The following POLI variants were observed in gnomAD, a reference collection of about 807,000 sequenced individuals.
POLI encodes the protein RAD30 homolog B.
A neutral mutation model predicts 51.6 loss-of-function variants in POLI; 58 were observed. The observed-to-expected ratio is 1.12, with a 90% CI of 0.91 to 1.40. The LOEUF (loss-of-function observed/expected upper bound fraction) is 1.40, where lower values mean the gene tolerates loss of function less well. Ranked by LOEUF, POLI falls within the 40% of genes most tolerant of loss-of-function variation. The pLI, the probability that POLI is intolerant of heterozygous loss-of-function variation, is 0.00. For synonymous variants in POLI, 322 were observed against 299.7 expected (o/e 1.07, Z -0.77); for missense variants, 921 against 871.3 (o/e 1.06, Z -0.72).
chr18:54,294,076 GTTC>G lies in POLI; in HGVS notation c.1838_1840del (p.Ser613del), dbSNP rs2144599032. On this transcript the variant is annotated inframe_deletion, in exon 10 of 10. Transcript: ENST00000579534. ...GGAACATCAGGCTTTAATAGCAGTAGTTCTTCTTACATGTCTAGCCAAAAGGAT... is the reference window on the plus strand; with the variant it reads ...GGAACATCAGGCTTTAATAGCAGTAGTTCTTACATGTCTAGCCAAAAGGAT... 3 of 1,611,406 alleles carry G rather than the reference GTTC, an allele frequency of 1.9e-6. No individual in the cohort carries two copies. The highest frequency in any genetic ancestry group is 1.1e-5 in the South Asian group (1 of 90,996).
In POLI at chr18:54,294,918, G is replaced by A. The variant is rs2088238633; in HGVS notation, c.*451G>A. The A allele has an allele frequency of 1.0e-6, 1 of 979,396 alleles. No individual in the cohort carries two copies. Among genetic ancestry groups the A allele is most frequent in the Non-Finnish European group, 1.2e-6 (1 of 825,074 alleles). The allele number at this position is 979,396 out of a possible 1,614,324, so 60.7% of individuals were successfully genotyped here. On this transcript the variant is annotated 3_prime_UTR_variant, in exon 10 of 10. Transcript: ENST00000579534. ...AACTAACCTATTAAAAATATAGATAGTTTTGACTAAAGTACTACATTACAT... is the reference window on the plus strand; with the variant it reads ...AACTAACCTATTAAAAATATAGATAATTTTGACTAAAGTACTACATTACAT...
intron 6 of POLI, 110 bp downstream of exon 6, chr18:54,283,125 T>G: frequency 1.7e-6 from 1 of 603,408 alleles, no homozygotes; most frequent in Admixed American, 3.2e-5. Flanking sequence ...TAGTATGTGA[T>G]CCCTTTCCTA....
chr18:54,299,790 A>G (rs774720862), downstream of POLI, among the ~76,000 whole-genome samples: 2 of 152,208 alleles, frequency 1.3e-5, no homozygotes, highest in African/African-American at 2.4e-5. Flanking sequence ...AATCCCAGGT[A>G]CAATAAACGT....
chr18:54,279,479 A>T (rs1231965015), intron 4 of POLI, among the ~76,000 whole-genome samples: 2 of 151,888 alleles, frequency 1.3e-5, no homozygotes, highest in African/African-American at 4.8e-5. Flanking sequence ...CTAATCTCAG[A>T]TGATCCGCTT....
chr18:54,282,936 G>C lies in POLI; in HGVS notation c.896G>C (p.Gly299Ala). 1 of 1,606,782 alleles carries C rather than the reference G, an allele frequency of 6.2e-7. No homozygotes were observed. The highest frequency in any genetic ancestry group is 8.5e-7 in the Non-Finnish European group (1 of 1,176,342). The change falls in exon 6 of 10, where the codon GGA becomes GCA. Residue 299 changes from glycine (G) to alanine (A), a missense_variant. Coordinates refer to ENST00000579534, the MANE Select transcript of POLI (RefSeq NM_007195.3). ...CCCAAAATTTTAGAAAAAGAATTAG[G>C]AATTTCAGTTGCTCAGCGTATCCAA... ...FSPKILEKEL[G>A]ISVAQRIQKL...
chr18:54,313,153 ATTC>A (rs1254813535), intron 3 of POLI, among the ~76,000 whole-genome samples: 2 of 152,150 alleles, frequency 1.3e-5, no homozygotes, highest in African/African-American at 4.8e-5. Context: ...GTCCAGTTGC[ATTC>A]TTCTGCATAT....
chr18:54,303,596 G>A (rs921350195), intron 3 of POLI, among the ~76,000 whole-genome samples: 16 of 152,044 alleles, frequency 1.1e-4, no homozygotes, highest in African/African-American at 3.9e-4. Flanking sequence ...ACTCCTGCAA[G>A]GTCTGGATGA....
At chr18:54,317,908 A>T (rs1442810579) in intron 3 of POLI, among the ~76,000 whole-genome samples, 1 of 152,126 alleles carries the variant, frequency 6.6e-6, no homozygotes, top group Admixed American at 6.6e-5. Flanking sequence ...GAAGATTAAG[A>T]ATTTTTTAGA....
At chr18:54,305,272 A>G (rs570440929) in intron 3 of POLI, among the ~76,000 whole-genome samples, 79 of 152,238 alleles carry the variant, frequency 5.2e-4, no homozygotes, top group African/African-American at 1.8e-3. Context: ...TATGAACTTT[A>G]AAGTGTTTTT....
At chr18:54,287,889 C>A (rs3730778) in intron 8 of POLI, among the ~76,000 whole-genome samples, 324 of 152,262 alleles carry the variant, frequency 2.1e-3, no homozygotes, top group African/African-American at 7.1e-3. Flanking sequence ...AGTAAAGAGT[C>A]ATTTAAGAAT....
chr18:54,300,142 G>T (rs1370069633), downstream of POLI, among the ~76,000 whole-genome samples: 2 of 152,060 alleles, frequency 1.3e-5, no homozygotes, highest in Non-Finnish European at 2.9e-5. Context: ...ACACAGAAAT[G>T]AGGAGCACCA....
At position 54,282,782 on chromosome 18, in the gene POLI, CTTTGT is replaced by C. The variant is rs1302553181; in HGVS notation, c.797-51_797-47del. 9.7e-6 allele frequency: 9 copies of C among 930,824 alleles called. No homozygotes were observed. In the Admixed American group the frequency reaches 1.1e-4, roughly 11 times the overall value. The allele number at this position is 930,824 out of a possible 1,614,324, so 57.7% of individuals were successfully genotyped here. A position where few individuals can be genotyped will look rare whatever the true frequency, so the allele number is the denominator to read the frequency against. On this transcript the variant is annotated intron_variant, in intron 5 of 9. Coordinates refer to ENST00000579534, the MANE Select transcript of POLI (RefSeq NM_007195.3). Reference sequence around the variant, plus strand: ...GATATATTTATAATATTTTAATTAGCTTTGTTTTAAGGAGAAAAGCTATTTTAACA... The same window carrying C: ...GATATATTTATAATATTTTAATTAGCTTTAAGGAGAAAAGCTATTTTAACA...
chr18:54,285,301 A>G (rs989425886), intron 7 of POLI, among the ~76,000 whole-genome samples: 1 of 152,202 alleles, frequency 6.6e-6, no homozygotes, highest in Non-Finnish European at 1.5e-5. Context: ...CTTCACATAG[A>G]AAAACCACAA....
Position 54,297,285 on chromosome 18 carries a change from G to A in POLI, c.*2818G>A. 1 of 983,104 alleles carries A rather than the reference G, an allele frequency of 1.0e-6. No individual in the cohort carries two copies. Among genetic ancestry groups the A allele is most frequent in the Non-Finnish European group, 1.2e-6 (1 of 829,196 alleles). The allele number at this position is 983,104 out of a possible 1,614,324, so 60.9% of individuals were successfully genotyped here. A position where few individuals can be genotyped will look rare whatever the true frequency, so the allele number is the denominator to read the frequency against. On this transcript the variant is annotated 3_prime_UTR_variant, in exon 10 of 10. Coordinates refer to ENST00000579534, the MANE Select transcript of POLI (RefSeq NM_007195.3). ...CTTGCTTTTGTTTCAGCTCGAGTTT[G>A]TTGTTGTTTTTTTTTTTTCCTGTTT... is the stretch of plus-strand genomic sequence containing the variant.
At chr18:54,275,196 A>G (rs950569515) in intron 3 of POLI, among the ~76,000 whole-genome samples, 1 of 152,344 alleles carries the variant, frequency 6.6e-6, no homozygotes, top group Admixed American at 6.5e-5. Flanking sequence ...ATTGTGGCTC[A>G]TACCTGTAAT....
intron 6 of POLI, among the ~76,000 whole-genome samples, chr18:54,283,457 T>C (rs2087607405): frequency 6.6e-6 from 1 of 152,110 alleles, no homozygotes; most frequent in South Asian, 2.1e-4. Context: ...AGCATCAAGG[T>C]AGGTAGTACT....
chr18:54,284,126 C>G, intron 7 of POLI, 113 bp downstream of exon 7: 1 of 514,844 alleles, frequency 1.9e-6, no homozygotes, highest in East Asian at 3.2e-5. Flanking sequence ...GGAGACTAAA[C>G]AATGTAAAAA....
Position 54,287,292 on chromosome 18 carries a change from A to G in POLI, c.1079A>G (p.Asp360Gly), listed in dbSNP as rs1428652339. Residue 360 changes from aspartate to glycine, a missense_variant, in exon 8 of 10, where the codon GAT becomes GGT. Coordinates refer to ENST00000579534, the MANE Select transcript of POLI (RefSeq NM_007195.3). Reference protein sequence around the residue: ...LASLLNRVCQDGRKPHTVRLI... With the variant: ...LASLLNRVCQGGRKPHTVRLI... ...CTCTTTATTTTTAGAGTATGCCAAGATGGAAGGAAGCCTCATACAGTGAGA... is the reference window on the plus strand; with the variant it reads ...CTCTTTATTTTTAGAGTATGCCAAGGTGGAAGGAAGCCTCATACAGTGAGA... 6.4e-7 allele frequency: 1 copy of G among 1,573,092 alleles called. No homozygotes were observed. Among genetic ancestry groups the G allele is most frequent in the Non-Finnish European group, 8.7e-7 (1 of 1,153,536 alleles).
intron 5 of POLI, 40 bp from the exon 6 acceptor site, chr18:54,282,797 A>G (rs1330113486): frequency 9.0e-7 from 1 of 1,107,982 alleles, no homozygotes. Flanking sequence ...TTTTAAGGAG[A>G]AAAGCTATTT....
Sources: gnomAD v4.1 joint callset for allele counts (sites outside exome capture counted in the v4.1 genomes callset) on GRCh38, gnomAD v4.1.1 for gene constraint, MANE v1.5 for transcripts, NCBI Gene and HGNC (gene_info 2026-07-23, HGNC 2026-07-21) for gene names.